The following PADI1 variants were observed in gnomAD, a reference collection of about 807,000 sequenced individuals.
PADI1 encodes protein-arginine deiminase type-1.
PADI1 carries 65 observed loss-of-function variants against 74.8 expected under a neutral mutation model. The observed-to-expected ratio is 0.87, with a 90% confidence interval of 0.71 to 1.07. The LOEUF (loss-of-function observed/expected upper bound fraction) is 1.07, where lower values mean the gene tolerates loss of function less well. Ranked by LOEUF, PADI1 falls within the 50% of genes least tolerant of loss-of-function variation. PADI1 has a pLI of 0.00. For missense variants in PADI1, 943 were observed against 854.0 expected, an observed-to-expected ratio of 1.10 and a Z score of -1.30; for synonymous variants, 371 against 336.2, an observed-to-expected ratio of 1.10 and a Z score of -1.13.
intron 1 of PADI1, among the ~76,000 whole-genome samples, chr1:17,211,952 G>A (rs1569747811): frequency 6.6e-6 from 1 of 152,246 alleles, no homozygotes; most frequent in African/African-American, 2.4e-5. Flanking sequence ...AGCCAAGGAT[G>A]ATTTGTCTCT....
chr1:17,229,027 C>A lies in PADI1; in HGVS notation c.905C>A (p.Pro302His). The A allele has an allele frequency of 6.3e-7, 1 of 1,576,566 alleles. No individual in the cohort carries two copies. Reference protein sequence around the residue: ...APWIMTPNTQPPEELYVCRVM... With the variant: ...APWIMTPNTQHPEELYVCRVM... ...TGGATCATGACGCCCAACACTCAGC[C>A]TCCTGAGGAGCTGTATGTGTGCAGG... Residue 302 changes from proline (P) to histidine (H), a missense_variant, in exon 8 of 16, where the codon CCT becomes CAT. By Grantham distance (77) the Pro-to-His change is moderately conservative (BLOSUM62 -2). Transcript: ENST00000375471.
chr1:17,244,118 C>G lies in PADI1; in HGVS notation c.1867C>G (p.Leu623Val). The change falls in exon 16 of 16, where the codon CTG becomes GTG. Residue 623 changes from leucine to valine, a missense_variant. Physicochemically the swap from Leu to Val is conservative, Grantham distance 32. Transcript: ENST00000375471. ...EEKVQSLLEP[L>V]GLHCIFIDDY... ...GAAGGTGCAGTCCCTGCTGGAGCCTCTGGGCCTGCACTGCATCTTCATTGA... is the reference window on the plus strand; with the variant it reads ...GAAGGTGCAGTCCCTGCTGGAGCCTGTGGGCCTGCACTGCATCTTCATTGA... The G allele has an allele frequency of 1.9e-6, 3 of 1,614,228 alleles. No homozygotes were observed. The highest frequency in any genetic ancestry group is 1.7e-6 in the Non-Finnish European group (2 of 1,180,018).
chr1:17,226,414 A>AACCTGCATTCC (rs1271904479), intron 6 of PADI1, among the ~76,000 whole-genome samples: 5 of 152,180 alleles, frequency 3.3e-5, no homozygotes, highest in African/African-American at 4.8e-5. Flanking sequence ...CAGGCATTCC[A>AACCTGCATTCC]ACCCAGGTGT....
intron 1 of PADI1, among the ~76,000 whole-genome samples, chr1:17,206,339 G>A (rs142445365): frequency 5.3e-5 from 8 of 152,334 alleles, no homozygotes; most frequent in South Asian, 2.1e-4. Flanking sequence ...TCCTCTGCTC[G>A]AGAAGCCCTT....
chr1:17,234,187 C>A (rs976368395), intron 11 of PADI1, among the ~76,000 whole-genome samples: 2 of 152,236 alleles, frequency 1.3e-5, no homozygotes, highest in Non-Finnish European at 2.9e-5. Context: ...GCCTGGCACA[C>A]AATAGGTACT....
In PADI1 at chr1:17,228,743, C is replaced by T. The variant is rs539164310; in HGVS notation, c.771C>T (p.Pro257=). ...IKFYVEGLTF[P]DADFLGLVSL... Reference sequence around the variant, plus strand: ...TCTATGTGGAGGGGCTGACCTTCCCCGATGCCGATTTCCTAGGGCTGGTTT... The same window carrying T: ...TCTATGTGGAGGGGCTGACCTTCCCTGATGCCGATTTCCTAGGGCTGGTTT... The change falls in exon 7 of 16, where the codon CCC becomes CCT. Residue 257 remains proline, a synonymous_variant. Transcript: ENST00000375471. 38 of 1,614,194 alleles carry T rather than the reference C, an allele frequency of 2.4e-5. No homozygotes were observed. The highest frequency in any genetic ancestry group is 1.8e-4 in the South Asian group (16 of 91,086).
intron 1 of PADI1, among the ~76,000 whole-genome samples, chr1:17,216,675 A>G (rs1254364238): frequency 6.6e-6 from 1 of 152,172 alleles, no homozygotes; most frequent in Non-Finnish European, 1.5e-5. Flanking sequence ...GTTCAAGACC[A>G]GCCTGGCCAA....
At chr1:17,230,781 G>A (rs2072469819) in intron 10 of PADI1, 102 bp downstream of exon 10, 4 of 687,468 alleles carry the variant, frequency 5.8e-6, no homozygotes, top group Non-Finnish European at 1.0e-5. Context: ...TCAGAGAACA[G>A]GAAGAGGGGG....
At chr1:17,230,508 ACC>A (rs1486188035) in intron 9 of PADI1, 62 bp from the exon 10 acceptor site, 1 of 1,147,482 alleles carries the variant, frequency 8.7e-7, no homozygotes, top group African/African-American at 1.5e-5. Flanking sequence ...CCTGGTGGGG[ACC>A]ACCCTGTTCT....
intron 15 of PADI1, 86 bp downstream of exon 15, chr1:17,240,846 AG>A: frequency 6.9e-7 from 1 of 1,457,678 alleles, no homozygotes; most frequent in Non-Finnish European, 9.4e-7. Flanking sequence ...GCTGGTGCAG[AG>A]GCTGGAGGGC....
chr1:17,212,297 T>C (rs2100404804), intron 1 of PADI1, among the ~76,000 whole-genome samples: 1 of 152,296 alleles, frequency 6.6e-6, no homozygotes, highest in South Asian at 2.1e-4. Context: ...TGGCCAGGCG[T>C]GCAGGGGAGC....
At chr1:17,225,379 A>G (rs902550765) in intron 4 of PADI1, among the ~76,000 whole-genome samples, 6 of 152,132 alleles carry the variant, frequency 3.9e-5, no homozygotes, top group Admixed American at 3.9e-4. Context: ...CGGATGCCAG[A>G]GATATCTATG....
intron 11 of PADI1, 57 bp downstream of exon 11, chr1:17,233,027 C>G (rs1445364776): frequency 7.7e-5 from 109 of 1,423,056 alleles, no homozygotes; most frequent in Non-Finnish European, 9.2e-5. Context: ...AGCATCCACC[C>G]TCCCTGTGCC....
At position 17,244,641 on chromosome 1, in the gene PADI1, G is replaced by A; in HGVS notation, c.*398G>A. 1 of 360,618 alleles carries A rather than the reference G, an allele frequency of 2.8e-6. No homozygotes were observed. The highest frequency in any genetic ancestry group is 5.5e-6 in the Non-Finnish European group (1 of 182,360). The allele number at this position is 360,618 out of a possible 1,614,324, so 22.3% of individuals were successfully genotyped here. A position where few individuals can be genotyped will look rare whatever the true frequency, so the allele number is the denominator to read the frequency against. ...ATCTGCACCTGGAACGGGGCCTGGG[G>A]GACCTGGGGTCTGGTGTGCCAGGCA... On this transcript the variant is annotated 3_prime_UTR_variant, in exon 16 of 16. Transcript: ENST00000375471.
intron 2 of PADI1, among the ~76,000 whole-genome samples, chr1:17,222,808 G>GCCCCA (rs2072195092): frequency 6.6e-6 from 1 of 152,076 alleles, no homozygotes; most frequent in Admixed American, 6.6e-5. Context: ...CTCTCGTGTG[G>GCCCCA]GCAGGACCGC....
At position 17,224,423 on chromosome 1, in the gene PADI1, G is replaced by A. The variant is rs771756563; in HGVS notation, c.403G>A (p.Asp135Asn). 3 of 1,613,124 alleles carry A rather than the reference G, an allele frequency of 1.9e-6. No individual in the cohort carries two copies. Among genetic ancestry groups the A allele is most frequent in the African/African-American group, 1.3e-5 (1 of 74,926 alleles). The change falls in exon 4 of 16, where the codon GAC (aspartate) becomes AAC (asparagine). Residue 135 changes from aspartate (D) to asparagine (N), a missense_variant. Coordinates refer to ENST00000375471, the MANE Select transcript of PADI1 (RefSeq NM_013358.3). ...RTGKVKRSQG[D>N]KKTWRWGPEG... ...AGGCAAGGTGAAGAGGAGCCAAGGG[G>A]ACAAGGTGAGACCCTTCCGGGCACC...
chr1:17,223,505 G>A (rs1403814216), intron 2 of PADI1, 116 bp from the exon 3 acceptor site: 5 of 779,604 alleles, frequency 6.4e-6, no homozygotes, highest in South Asian at 3.0e-5. Flanking sequence ...GAGACTGGGG[G>A]GGTCTCCAGG....
In PADI1 at chr1:17,222,339, G is replaced by T. The variant is rs775765736; in HGVS notation, c.142G>T (p.Val48Leu). ...NSFRVSGSSG[V>L]EVFMVYNRTR... ...CTTCAGGGTCTCTGGAAGCTCCGGG[G>T]TGGAGGTCTTCATGGTCTACAACCG... Residue 48 changes from valine to leucine, a missense_variant, in exon 2 of 16, where the codon GTG (valine) becomes TTG (leucine). Coordinates refer to ENST00000375471, the MANE Select transcript of PADI1 (RefSeq NM_013358.3). 5.0e-6 allele frequency: 8 copies of T among 1,613,960 alleles called. No individual in the cohort carries two copies. In the African/African-American group the frequency reaches 9.3e-5, roughly 19 times the overall value.
chr1:17,233,756 C>G (rs895884944), intron 11 of PADI1, among the ~76,000 whole-genome samples: 1 of 152,236 alleles, frequency 6.6e-6, no homozygotes, highest in Non-Finnish European at 1.5e-5. Context: ...CAAGCCCTGG[C>G]TGACCATCTG....
Sources: allele counts gnomAD v4.1 joint callset (sites outside exome capture counted in the v4.1 genomes callset), GRCh38; gene constraint gnomAD v4.1.1; transcripts MANE v1.5; gene names NCBI Gene and HGNC (gene_info 2026-07-23, HGNC 2026-07-21).